Variants in ROPN1 observed in about 807,000 individuals in gnomAD.
ROPN1 encodes the protein rhophilin associated tail protein 1.
In ROPN1, 14 loss-of-function variants were observed where a neutral mutation model predicts 20.5. The observed-to-expected ratio is 0.68, with a 90% confidence interval of 0.45 to 1.07. The LOEUF (loss-of-function observed/expected upper bound fraction) is 1.07, where lower values mean the gene tolerates loss of function less well. Among genes scored for constraint, ROPN1 ranks in the 50% least tolerant of loss-of-function variants. The pLI, the probability that ROPN1 is intolerant of heterozygous loss-of-function variation, is 0.00. For synonymous variants in ROPN1, 76 were observed against 95.7 expected (o/e 0.79, Z 1.20); for missense variants, 169 against 242.8 (o/e 0.70, Z 2.02).
intron 3 of ROPN1, among the ~76,000 whole-genome samples, chr3:123,976,139 G>A (rs2038017334): frequency 6.6e-6 from 1 of 152,174 alleles, no homozygotes; most frequent in Non-Finnish European, 1.5e-5. Flanking sequence ...GATAAAAGGA[G>A]GGAAGGTGAC....
intron 4 of ROPN1, among the ~76,000 whole-genome samples, chr3:123,974,086 A>G (rs1334188651): frequency 6.6e-6 from 1 of 152,174 alleles, no homozygotes; most frequent in Non-Finnish European, 1.5e-5. Context: ...ATCAGACTAA[A>G]ATTTCAGGAT....
intron 1 of ROPN1, among the ~76,000 whole-genome samples, chr3:123,984,489 G>A (rs1268557896): frequency 6.6e-6 from 1 of 152,046 alleles, no homozygotes; most frequent in Non-Finnish European, 1.5e-5. Context: ...CTGTGTCTCT[G>A]GCTCAGCCCC....
At chr3:123,973,531 C>T (rs1475403962) in intron 4 of ROPN1, among the ~76,000 whole-genome samples, 1 of 152,176 alleles carries the variant, frequency 6.6e-6, no homozygotes, top group Non-Finnish European at 1.5e-5. Context: ...AGATTCAATT[C>T]ACCTCATGGT....
intron 1 of ROPN1, among the ~76,000 whole-genome samples, chr3:123,990,327 G>C (rs891812955): frequency 6.6e-6 from 1 of 152,192 alleles, no homozygotes; most frequent in African/African-American, 2.4e-5. Context: ...AGAGAAGGTG[G>C]AGAAGGAGGA....
chr3:123,991,234 G>A (rs1371625374), intron 1 of ROPN1: 2 of 133,004 alleles, frequency 1.5e-5, no homozygotes, highest in African/African-American at 5.8e-5. Context: ...CAAACTCCAC[G>A]GCAGGACTGG....
intron 1 of ROPN1, 79 bp from the exon 2 acceptor site, chr3:123,980,572 C>T: frequency 1.5e-6 from 2 of 1,338,644 alleles, no homozygotes; most frequent in South Asian, 2.7e-5. Context: ...AGGAGGTCAC[C>T]CAGCCTCTGT....
intron 2 of ROPN1, chr3:123,980,142 A>C: frequency 1.7e-6 from 1 of 584,042 alleles, no homozygotes; most frequent in Non-Finnish European, 3.1e-6. Context: ...CTGGCGTCCT[A>C]CTGCTCAATC....
chr3:123,974,701 A>G (rs1440028583), intron 4 of ROPN1: 1 of 152,798 alleles, frequency 6.5e-6, no homozygotes, highest in South Asian at 2.1e-4. Context: ...ATTCATTTTA[A>G]GTTATTTTAA....
At chr3:123,983,179 C>T (rs74814230) in intron 1 of ROPN1, among the ~76,000 whole-genome samples, 10,027 of 152,204 alleles carry the variant, frequency 0.066, 1,090 homozygotes, top group African/African-American at 0.23. Flanking sequence ...AATGGACAGT[C>T]GGATCATTTC....
At chr3:123,978,913 C>G (rs1168581490) in intron 2 of ROPN1, 1 of 155,796 alleles carries the variant, frequency 6.4e-6, no homozygotes, top group Non-Finnish European at 1.4e-5. Flanking sequence ...TGGAATGCCT[C>G]TTCCATAAAT....
intron 2 of ROPN1, chr3:123,980,164 G>T (rs571423433): frequency 3.3e-6 from 2 of 612,182 alleles, no homozygotes; most frequent in South Asian, 3.9e-5. Flanking sequence ...GGCTCCCTTA[G>T]GGGAGGCATC....
chr3:123,983,553 C>A (rs922078179), intron 1 of ROPN1, among the ~76,000 whole-genome samples: 2 of 152,226 alleles, frequency 1.3e-5, no homozygotes, highest in Non-Finnish European at 2.9e-5. Context: ...AAAGCCTTTA[C>A]TTCATCCCAT....
chr3:123,985,871 G>C (rs1263276823), intron 1 of ROPN1, among the ~76,000 whole-genome samples: 1 of 151,036 alleles, frequency 6.6e-6, no homozygotes, highest in Non-Finnish European at 1.5e-5. Flanking sequence ...AATTAGCCGG[G>C]CATGGTGGCA....
chr3:123,974,316 T>G (rs1267522356), intron 4 of ROPN1, among the ~76,000 whole-genome samples: 1 of 152,236 alleles, frequency 6.6e-6, no homozygotes, highest in Non-Finnish European at 1.5e-5. Flanking sequence ...TGACAACTCA[T>G]AGGCCTCTGC....
chr3:123,980,136 C>G, intron 2 of ROPN1: 1 of 577,528 alleles, frequency 1.7e-6, no homozygotes, highest in Non-Finnish European at 3.1e-6. Context: ...ATTGACCTGG[C>G]GTCCTACTGC....
At chr3:123,989,509 G>A (rs1395023738) in intron 1 of ROPN1, among the ~76,000 whole-genome samples, 1 of 152,222 alleles carries the variant, frequency 6.6e-6, no homozygotes. Flanking sequence ...GACTGGAGGA[G>A]GAAGAGGTTT....
chr3:123,970,017 C>A, intron 5 of ROPN1, 25 bp downstream of exon 5: 1 of 1,608,974 alleles, frequency 6.2e-7, no homozygotes. Flanking sequence ...ATTCTTTCAC[C>A]TCCACTTGAC....
At chr3:123,989,878 T>C (rs1167081106) in intron 1 of ROPN1, among the ~76,000 whole-genome samples, 1 of 152,236 alleles carries the variant, frequency 6.6e-6, no homozygotes, top group Non-Finnish European at 1.5e-5. Flanking sequence ...GGTTTCTTCC[T>C]TGGGTGATCT....
intron 4 of ROPN1, among the ~76,000 whole-genome samples, chr3:123,970,766 C>A (rs1182951739): frequency 6.6e-6 from 1 of 152,138 alleles, no homozygotes; most frequent in Non-Finnish European, 1.5e-5. Context: ...GCATCTGGGT[C>A]CATCTAAATA....
Sources: gnomAD v4.1 joint callset for allele counts (sites outside exome capture counted in the v4.1 genomes callset) on GRCh38, gnomAD v4.1.1 for gene constraint, MANE v1.5 for transcripts, NCBI Gene and HGNC (gene_info 2026-07-23, HGNC 2026-07-21) for gene names.